The following THEM4 variants were observed in gnomAD, a reference collection of about 807,000 sequenced individuals.
THEM4 encodes the protein acyl-coenzyme A thioesterase THEM4.
Under a neutral mutation model 25.0 loss-of-function variants are expected in THEM4, and 22 were observed. The ratio of observed to expected loss-of-function variants is 0.88; its 90% CI spans 0.63 to 1.26. THEM4 has a LOEUF of 1.26. THEM4 is among the 50% of genes most tolerant of loss of function. The pLI is 0.00. For missense variants in THEM4, 286 were observed against 300.3 expected, an observed-to-expected ratio of 0.95 and a Z score of 0.35; for synonymous variants, 113 against 105.6, an observed-to-expected ratio of 1.07 and a Z score of -0.43.
At chr1:151,888,234 C>T (rs780707086) in intron 4 of THEM4, 39 bp downstream of exon 4, 2 of 1,537,590 alleles carry the variant, frequency 1.3e-6, no homozygotes, top group South Asian at 2.3e-5. Flanking sequence ...CCTGACTTAA[C>T]AACACCTAAG....
In THEM4 at chr1:151,901,857, C is replaced by CA. The variant is rs957314626; in HGVS notation, c.100-6664dup. On this transcript the variant is annotated intron_variant, in intron 1 of 5. Coordinates refer to ENST00000368814, the MANE Select transcript of THEM4 (RefSeq NM_053055.5). The stretch of plus-strand genomic sequence containing the variant: ...AAACTCTGTCTCAGAAAAAAACAAA[C>CA]AAAAAAAAAAAACAAAAAAACCATG... Among the ~76,000 whole-genome samples, 62 of 150,800 alleles carry CA rather than the reference C, an allele frequency of 4.1e-4. 1 individual carries two copies. The highest frequency in any genetic ancestry group is 3.5e-3 in the Middle Eastern group (1 of 288).
intron 1 of THEM4, among the ~76,000 whole-genome samples, chr1:151,899,274 C>A (rs1033492112): frequency 6.6e-6 from 1 of 152,118 alleles, no homozygotes; most frequent in Non-Finnish European, 1.5e-5. Flanking sequence ...GGGCAGATCA[C>A]AAGGTCAAGA....
At chr1:151,881,519 C>T (rs1199253675) in intron 4 of THEM4, among the ~76,000 whole-genome samples, 1 of 152,152 alleles carries the variant, frequency 6.6e-6, no homozygotes, top group African/African-American at 2.4e-5. Context: ...TCCATAAATT[C>T]TCTCCATTTG....
intron 1 of THEM4, among the ~76,000 whole-genome samples, chr1:151,906,285 T>G (rs1654464099): frequency 6.6e-6 from 1 of 152,226 alleles, no homozygotes; most frequent in African/African-American, 2.4e-5. Context: ...CCCGGGCCAG[T>G]GGCTGCAGAG....
Position 151,909,450 on chromosome 1 carries a change from C to T in THEM4, c.9G>A (p.Arg3=). ML[R]SCAARLRTLG... ...GCGTGCGGAGGCGCGCGGCGCAGCT[C>T]CTCAGCATGGCTCCGGGCCGCGGGG... The change falls in exon 1 of 6, where the codon AGG becomes AGA. Residue 3 remains arginine, a synonymous_variant. Coordinates refer to ENST00000368814, the MANE Select transcript of THEM4 (RefSeq NM_053055.5). 2.8e-6 allele frequency: 4 copies of T among 1,428,622 alleles called. No homozygotes were observed. Among genetic ancestry groups the T allele is most frequent in the Non-Finnish European group, 2.7e-6 (3 of 1,100,316 alleles). The allele number at this position is 1,428,622 out of a possible 1,614,324, so 88.5% of individuals were successfully genotyped here. A position where few individuals can be genotyped will look rare whatever the true frequency, so the allele number is the denominator to read the frequency against.
chr1:151,888,488 G>C (rs997878872), intron 3 of THEM4, 105 bp from the exon 4 acceptor site: 1 of 786,860 alleles, frequency 1.3e-6, no homozygotes, highest in African/African-American at 1.8e-5. Flanking sequence ...ATTTACTTAT[G>C]AAAGGTCCAC....
intron 1 of THEM4, among the ~76,000 whole-genome samples, chr1:151,905,258 G>A (rs1654431784): frequency 6.6e-6 from 1 of 152,162 alleles, no homozygotes; most frequent in African/African-American, 2.4e-5. Context: ...TGTGTGGCAG[G>A]GTAGGAGCAG....
Position 151,895,190 on chromosome 1 carries a change from G to T in THEM4, c.104C>A (p.Ser35Ter), listed in dbSNP as rs1231947182. The change falls in exon 2 of 6, where the codon TCA (serine) becomes TAA (stop). Residue 35 changes from serine (S) to a stop codon, truncating the protein, a stop_gained. Transcript: ENST00000368814. LOFTEE classifies it high-confidence loss of function. ...PGSEPRPELR[S>*]FSSEEVILKD... ...AAGAATGACTTCCTCAGAAGAAAAT[G>T]ACCTCTAAAAGACAGAAGAAAAAGA... 2 of 1,608,458 alleles carry T rather than the reference G, an allele frequency of 1.2e-6. No homozygotes were observed. Among genetic ancestry groups the T allele is most frequent in the East Asian group, 4.5e-5 (2 of 44,846 alleles).
At position 151,895,415 on chromosome 1, in the gene THEM4, T is replaced by C. The variant is rs148294608; in HGVS notation, c.100-221A>G. Among the ~76,000 whole-genome samples, 142 of 152,300 alleles carry C rather than the reference T, an allele frequency of 9.3e-4. 1 individual carries two copies. The highest frequency in any genetic ancestry group is 3.2e-3 in the African/African-American group (134 of 41,564). On this transcript the variant is annotated intron_variant, in intron 1 of 5. Transcript: ENST00000368814. The stretch of plus-strand genomic sequence containing the variant: ...TTGCTCAACATCACCCAGCGAGCTA[T>C]TGACAGAGCCAGGATTATGCTCAGG...
At chr1:151,877,591 T>C (rs1274483981) in intron 4 of THEM4, among the ~76,000 whole-genome samples, 1 of 152,214 alleles carries the variant, frequency 6.6e-6, no homozygotes. Flanking sequence ...AACAACAAAT[T>C]GCTGATAACA....
At chr1:151,876,674 C>T (rs1653686060) in intron 5 of THEM4, among the ~76,000 whole-genome samples, 1 of 152,012 alleles carries the variant, frequency 6.6e-6, no homozygotes, top group Non-Finnish European at 1.5e-5. Flanking sequence ...GTCTCGAACT[C>T]CTGGGCTCAA....
At chr1:151,900,389 G>A (rs900419893) in intron 1 of THEM4, among the ~76,000 whole-genome samples, 9 of 152,122 alleles carry the variant, frequency 5.9e-5, no homozygotes, top group Middle Eastern at 3.2e-3. Flanking sequence ...ACACAGAACC[G>A]CAGAATGGAT....
At chr1:151,892,743 C>T (rs1198411832) in intron 2 of THEM4, among the ~76,000 whole-genome samples, 1 of 152,088 alleles carries the variant, frequency 6.6e-6, no homozygotes, top group African/African-American at 2.4e-5. Flanking sequence ...GAATTTGAAC[C>T]CAGGCACTAA....
chr1:151,895,185 A>C lies in THEM4; in HGVS notation c.109T>G (p.Ser37Ala), dbSNP rs780364201. The C allele has an allele frequency of 9.3e-6, 15 of 1,608,716 alleles. No homozygotes were observed. The African/African-American group carries it at 2.0e-4, about 22-fold the overall frequency. ...TCCTTAAGAATGACTTCCTCAGAAG[A>C]AAATGACCTCTAAAAGACAGAAGAA... ...SEPRPELRSFSSEEVILKDCS... is the reference protein window; with the variant it reads ...SEPRPELRSFASEEVILKDCS... The change falls in exon 2 of 6, where the codon TCT (serine) becomes GCT (alanine). Residue 37 changes from serine to alanine, a missense_variant. Ser to Ala is a moderately conservative substitution (Grantham distance 99). Transcript: ENST00000368814.
At chr1:151,880,045 G>A (rs1653776894) in intron 4 of THEM4, among the ~76,000 whole-genome samples, 1 of 151,904 alleles carries the variant, frequency 6.6e-6, no homozygotes, top group East Asian at 1.9e-4. Context: ...GCTATTCACA[G>A]GAGTTATCAT....
At chr1:151,908,058 C>T (rs975787917) in intron 1 of THEM4, among the ~76,000 whole-genome samples, 2 of 152,238 alleles carry the variant, frequency 1.3e-5, no homozygotes, top group African/African-American at 4.8e-5. Flanking sequence ...TTAAGCTCCT[C>T]TCTCTGGTGG....
At chr1:151,906,647 G>A (rs1470750442) in intron 1 of THEM4, among the ~76,000 whole-genome samples, 1 of 152,222 alleles carries the variant, frequency 6.6e-6, no homozygotes, top group Admixed American at 6.5e-5. Flanking sequence ...CTAAAGGACT[G>A]TAAATACACC....
At position 151,888,277 on chromosome 1, in the gene THEM4, T is replaced by C. The variant is rs1012852260; in HGVS notation, c.553A>G (p.Lys185Glu). 5 of 1,611,414 alleles carry C rather than the reference T, an allele frequency of 3.1e-6. No individual in the cohort carries two copies. Among genetic ancestry groups the C allele is most frequent in the Middle Eastern group, 1.7e-4 (1 of 5,882 alleles). The change falls in exon 4 of 6, where the codon AAA (lysine) becomes GAA (glutamate). Residue 185 changes from lysine (K) to glutamate (E), a missense_variant. Transcript: ENST00000368814. ...VMTANLNINYKRPIPLCSVVM... is the reference protein window; with the variant it reads ...VMTANLNINYERPIPLCSVVM... ...AGAGAATTACTGTGAATTTACCTTT[T>C]ATAATTGATGTTGAGATTGGCAGTC... is the stretch of plus-strand genomic sequence containing the variant.
chr1:151,889,212 A>C lies in THEM4; in HGVS notation c.446+2T>G. 1 of 1,611,996 alleles carries C rather than the reference A, an allele frequency of 6.2e-7. No individual in the cohort carries two copies. The highest frequency in any genetic ancestry group is 1.1e-5 in the South Asian group (1 of 90,996). On this transcript the variant is annotated splice_donor_variant, in intron 3 of 5. Transcript: ENST00000368814. LOFTEE classifies it high-confidence loss of function. The stretch of plus-strand genomic sequence containing the variant: ...TCCACACTTTCAGGCTATCATTCTT[A>C]CCCAGGTGGTCCTTCCAGGTAAGGG...
Sources: allele counts gnomAD v4.1 joint callset (sites outside exome capture counted in the v4.1 genomes callset), GRCh38; gene constraint gnomAD v4.1.1; transcripts MANE v1.5; gene names NCBI Gene and HGNC (gene_info 2026-07-23, HGNC 2026-07-21).